SOD2: variants seen among roughly 807,000 people sequenced by gnomAD.
SOD2 encodes the protein superoxide dismutase [Mn], mitochondrial.
In SOD2, 11 loss-of-function variants were observed where a neutral mutation model predicts 27.0. The observed-to-expected ratio is 0.41, with a 90% CI of 0.26 to 0.67. The LOEUF (loss-of-function observed/expected upper bound fraction) is 0.67. Among genes scored for constraint, SOD2 ranks in the 30% least tolerant of loss-of-function variants. The pLI, the probability that SOD2 is intolerant of heterozygous loss-of-function variation, is 0.34. For missense variants in SOD2, 250 were observed against 274.5 expected (o/e 0.91, Z 0.63); for synonymous variants, 105 against 103.0 (o/e 1.02, Z -0.12).
rs767707565 is a variant in SOD2 at position 159,761,961 on chromosome 6, C to A, written c.-1260G>T. 4.8e-5 allele frequency: 53 copies of A among 1,094,542 alleles called. 1 individual carries two copies. Among genetic ancestry groups the A allele is most frequent in the Middle Eastern group, 2.8e-4 (1 of 3,558 alleles). The allele number at this position is 1,094,542 out of a possible 1,614,324, so 67.8% of individuals were successfully genotyped here. On this transcript the variant is annotated 5_prime_UTR_variant, in exon 1 of 8. Transcript: ENST00000546087. ...CAGTGGGATGCGCGGGGAGGTGGTG[C>A]GCGGGGAGGTGGAGGGCGAGGGGCG...
rs567524937 is a variant in SOD2, at chr6:159,670,753, G to A, written c.*11740C>T. ...TGTTGGACAGTGGGTGTAGGACGGT[G>A]GGTGCAGCCCACTGAGCATGAGCTG... On this transcript the variant is annotated 3_prime_UTR_variant, in exon 5 of 5. Transcript: ENST00000538183. 1.3e-5 allele frequency: 2 copies of A among 152,688 alleles called. No homozygotes were observed. Among genetic ancestry groups the A allele is most frequent in the East Asian group, 3.9e-4 (2 of 5,180 alleles). The allele number at this position is 152,688 out of a possible 1,614,324, so 9.5% of individuals were successfully genotyped here. A position where few individuals can be genotyped will look rare whatever the true frequency, so the allele number is the denominator to read the frequency against.
intron 1 of SOD2, chr6:159,726,689 G>A: frequency 9.6e-7 from 1 of 1,045,776 alleles, no homozygotes; most frequent in Non-Finnish European, 1.3e-6. Flanking sequence ...GTTAGCAAGG[G>A]GCCCTCAACG....
intron 1 of SOD2, among the ~76,000 whole-genome samples, chr6:159,751,717 A>G (rs1779827798): frequency 1.3e-5 from 2 of 152,202 alleles, no homozygotes; most frequent in African/African-American, 4.8e-5. Flanking sequence ...CTCTTCAGGT[A>G]TTTTCTGGAA....
chr6:159,756,290 T>C (rs917710920), intron 1 of SOD2: 2 of 152,678 alleles, frequency 1.3e-5, no homozygotes, highest in African/African-American at 4.8e-5. Flanking sequence ...TGACCAAACC[T>C]AAATAAAGAT....
At chr6:159,707,186 C>T (rs1283913842) in intron 1 of SOD2, among the ~76,000 whole-genome samples, 1 of 152,038 alleles carries the variant, frequency 6.6e-6, no homozygotes, top group South Asian at 2.1e-4. Context: ...AAAATTGATA[C>T]CCTAACATCA....
chr6:159,731,954 T>A (rs1487754865), upstream of SOD2, among the ~76,000 whole-genome samples: 1 of 151,130 alleles, frequency 6.6e-6, no homozygotes, highest in Non-Finnish European at 1.5e-5. Flanking sequence ...GGAATAAGAA[T>A]ATGGATACCT....
chr6:159,727,442 G>C (rs1778253254), upstream of SOD2: 1 of 1,148,072 alleles, frequency 8.7e-7, no homozygotes. Context: ...GACCGGCTGT[G>C]GGGCGGGGCA....
At chr6:159,749,340 T>G (rs1779738552), upstream of SOD2, 2 of 985,724 alleles carry the variant, frequency 2.0e-6, no homozygotes, top group Non-Finnish European at 2.4e-6. Context: ...GTCGTTGGTG[T>G]TAATGGGGGA....
chr6:159,742,077 T>C lies in SOD2; in HGVS notation c.-116+3053A>G, dbSNP rs752972852. 3.1e-6 allele frequency: 5 copies of C among 1,588,444 alleles called. No individual in the cohort carries two copies. In the East Asian group the frequency reaches 1.1e-4, roughly 36 times the overall value. On this transcript the variant is annotated intron_variant, in intron 1 of 3. Transcript: ENST00000537657. ...ATCGTAACAACTAATGTATGGATTT[T>C]TTTTTATTAGATGGAAACAATATGA...
intron 1 of SOD2, chr6:159,755,909 G>T: frequency 3.3e-6 from 1 of 306,622 alleles, no homozygotes; most frequent in Non-Finnish European, 5.6e-6. Context: ...ATTGTAAATG[G>T]AAATTTTTCC....
intron 1 of SOD2, chr6:159,725,908 A>G (rs1421502784): frequency 6.6e-6 from 1 of 152,176 alleles, no homozygotes; most frequent in African/African-American, 2.4e-5. Flanking sequence ...GCAACACACG[A>G]TTATTTCCTG....
chr6:159,710,856 A>G (rs1777728082), intron 1 of SOD2, among the ~76,000 whole-genome samples: 1 of 146,414 alleles, frequency 6.8e-6, no homozygotes, highest in African/African-American at 2.6e-5. Context: ...ACCACCTCAT[A>G]ACCACCACTC....
intron 1 of SOD2, chr6:159,736,382 G>A: frequency 9.5e-7 from 1 of 1,052,182 alleles, no homozygotes; most frequent in South Asian, 1.4e-5. Flanking sequence ...TAGACTTGAA[G>A]GGATTATCGT....
chr6:159,730,035 T>C (rs1340209874), upstream of SOD2, among the ~76,000 whole-genome samples: 2 of 152,238 alleles, frequency 1.3e-5, no homozygotes, highest in African/African-American at 2.4e-5. Context: ...CTCTGAATTA[T>C]CTACATAAAT....
At chr6:159,689,711 G>A (rs1780359440) in intron 2 of SOD2, among the ~76,000 whole-genome samples, 1 of 152,156 alleles carries the variant, frequency 6.6e-6, no homozygotes, top group South Asian at 2.1e-4. Flanking sequence ...TGTAATCTCA[G>A]CACTTTGGGA....
intron 1 of SOD2, among the ~76,000 whole-genome samples, chr6:159,752,463 C>T (rs1472431170): frequency 6.6e-6 from 1 of 151,966 alleles, no homozygotes; most frequent in Non-Finnish European, 1.5e-5. Context: ...TTGAGCTTTT[C>T]ATTACATATT....
Position 159,692,650 on chromosome 6 carries a change from C to T in SOD2, c.226+11G>A. ...CGGGGACTGCCTCCCGCCGCTCAGC[C>T]TGGAACCTACCCTTGGCCAACGCCT... On this transcript the variant is annotated intron_variant, in intron 2 of 4. Coordinates refer to ENST00000538183, the MANE Select transcript of SOD2 (RefSeq NM_000636.4). The T allele has an allele frequency of 6.2e-7, 1 of 1,613,660 alleles. No individual in the cohort carries two copies. Among genetic ancestry groups the T allele is most frequent in the Non-Finnish European group, 8.5e-7 (1 of 1,179,788 alleles).
At chr6:159,694,385 C>T (rs953834264), upstream of SOD2, among the ~76,000 whole-genome samples, 2 of 152,046 alleles carry the variant, frequency 1.3e-5, no homozygotes, top group Non-Finnish European at 2.9e-5. Context: ...CTTCTTGCAA[C>T]CCCCGTACAG....
chr6:159,704,398 G>T (rs1777582673), intron 1 of SOD2, among the ~76,000 whole-genome samples: 1 of 152,178 alleles, frequency 6.6e-6, no homozygotes, highest in South Asian at 2.1e-4. Context: ...GTGACAGACG[G>T]CACCTGGAAA....
Sources: allele counts gnomAD v4.1 joint callset (sites outside exome capture counted in the v4.1 genomes callset), GRCh38; gene constraint gnomAD v4.1.1; transcripts MANE v1.5; gene names NCBI Gene and HGNC (gene_info 2026-07-23, HGNC 2026-07-21).